The following TTC7A variants were observed in gnomAD, a reference collection of about 807,000 sequenced individuals.
The protein encoded by TTC7A is tetratricopeptide repeat protein 7A.
In TTC7A, 110 loss-of-function variants were observed where a neutral mutation model predicts 103.7. The ratio of observed to expected loss-of-function variants is 1.06; its 90% CI spans 0.91 to 1.24. The LOEUF (loss-of-function observed/expected upper bound fraction) is 1.24, where lower values mean the gene tolerates loss of function less well. Among genes scored for constraint, TTC7A ranks in the 50% most tolerant of loss-of-function variants. The pLI is 0.00. For synonymous variants in TTC7A, 521 were observed against 467.9 expected (o/e 1.11, Z -1.47); for missense variants, 1,340 against 1,116.3 (o/e 1.20, Z -2.86).
intron 5 of TTC7A, among the ~76,000 whole-genome samples, chr2:46,983,532 C>A (rs1361538062): frequency 6.6e-6 from 1 of 152,252 alleles, no homozygotes; most frequent in Non-Finnish European, 1.5e-5. Context: ...AGGCCGTCCT[C>A]AGCTGTGCCT....
intron 15 of TTC7A, chr2:47,040,521 T>C (rs1681620091): frequency 6.6e-6 from 1 of 152,304 alleles, no homozygotes; most frequent in Admixed American, 6.5e-5. Flanking sequence ...CCAGTTCCTA[T>C]AGCTTTATGC....
At chr2:46,916,034 C>G (rs765732662), upstream of TTC7A, 3 of 985,440 alleles carry the variant, frequency 3.0e-6, no homozygotes, top group Non-Finnish European at 3.6e-6. Flanking sequence ...GCTGGACGCC[C>G]TAGGGGCCCG....
At chr2:46,955,907 A>G (rs1252965564) in intron 2 of TTC7A, among the ~76,000 whole-genome samples, 4 of 152,214 alleles carry the variant, frequency 2.6e-5, no homozygotes, top group African/African-American at 4.8e-5. Context: ...GGCCTGGCCC[A>G]TAGGCATTGT....
intron 18 of TTC7A, among the ~76,000 whole-genome samples, chr2:47,053,128 C>T (rs1683009196): frequency 6.6e-6 from 1 of 152,128 alleles, no homozygotes; most frequent in Non-Finnish European, 1.5e-5. Flanking sequence ...TTTAACAATG[C>T]AGAAACTGTC....
intron 8 of TTC7A, 52 bp downstream of exon 8, chr2:46,995,251 AAGGGCTGTGGGGCCC>A (rs751985903): frequency 6.3e-7 from 1 of 1,597,290 alleles, no homozygotes; most frequent in Admixed American, 1.7e-5. Flanking sequence ...CCCTGTGGGG[AAGGGCTGTGGGGCCC>A]AGGTACAGGC....
At chr2:47,011,522 G>C in intron 11 of TTC7A, 87 bp downstream of exon 11, 1 of 1,053,110 alleles carries the variant, frequency 9.5e-7, no homozygotes, top group Non-Finnish European at 1.4e-6. Flanking sequence ...GTGTATGTGT[G>C]GGTGCATGCC....
intron 18 of TTC7A, among the ~76,000 whole-genome samples, chr2:47,053,039 C>T (rs1683002279): frequency 6.6e-6 from 1 of 152,130 alleles, no homozygotes; most frequent in Admixed American, 6.6e-5. Flanking sequence ...TGCAGTACGC[C>T]CCCACTCTCC....
chr2:47,054,023 G>A, intron 18 of TTC7A: 1 of 820,350 alleles, frequency 1.2e-6, no homozygotes, highest in Non-Finnish European at 1.5e-6. Context: ...ACTTGGGAAT[G>A]TCAAGAGAAA....
intron 11 of TTC7A, among the ~76,000 whole-genome samples, chr2:47,015,060 A>G (rs140851968): frequency 7.2e-4 from 109 of 152,314 alleles, no homozygotes; most frequent in African/African-American, 1.7e-3. Flanking sequence ...TGGGTTTGGA[A>G]TGGGAGAGCA....
At position 47,000,490 on chromosome 2, in the gene TTC7A, C is replaced by T. The variant is rs11886538; in HGVS notation, c.1065+5291C>T. Among the ~76,000 whole-genome samples the T allele has an allele frequency of 3.5e-4, 54 of 152,226 alleles. 1 individual carries two copies. The highest frequency in any genetic ancestry group is 7.2e-4 in the Non-Finnish European group (49 of 68,040). On this transcript the variant is annotated intron_variant, in intron 8 of 19. Coordinates refer to ENST00000319190, the MANE Select transcript of TTC7A (RefSeq NM_020458.4). ...AGAGCTGTTTTTTCTGCTGCAGGAA[C>T]CTGACGCAGCAGGAGCTCGGAGGCT...
chr2:46,967,753 T>G (rs1672985074), intron 3 of TTC7A, among the ~76,000 whole-genome samples: 1 of 152,174 alleles, frequency 6.6e-6, no homozygotes, highest in African/African-American at 2.4e-5. Context: ...AGACCCTGCT[T>G]TCTATTCTTT....
At chr2:46,977,016 G>T (rs1317239941) in intron 4 of TTC7A, among the ~76,000 whole-genome samples, 1 of 152,168 alleles carries the variant, frequency 6.6e-6, no homozygotes, top group African/African-American at 2.4e-5. Flanking sequence ...TGTTTTAGGA[G>T]CTTTTCATAT....
At chr2:46,956,022 G>A (rs528754137) in intron 2 of TTC7A, among the ~76,000 whole-genome samples, 2 of 152,330 alleles carry the variant, frequency 1.3e-5, no homozygotes, top group South Asian at 4.1e-4. Flanking sequence ...CAGAACTCAC[G>A]TGCCAGGGTG....
Position 46,966,404 on chromosome 2 carries a change from A to G in TTC7A, c.518-8569A>G, listed in dbSNP as rs541486585. On this transcript the variant is annotated intron_variant, in intron 3 of 19. Transcript: ENST00000319190. ...TATATCTTTCCAGTCTTTTTTCCCT[A>G]TAGGATTATATATGCTTTTAAAATG... Among the ~76,000 whole-genome samples the G allele has an allele frequency of 3.3e-5, 5 of 152,274 alleles. No homozygotes were observed. In the South Asian group the frequency reaches 1.0e-3, roughly 32 times the overall value.
chr2:46,977,779 C>A (rs1436367577), intron 4 of TTC7A, among the ~76,000 whole-genome samples: 2 of 152,166 alleles, frequency 1.3e-5, no homozygotes, highest in African/African-American at 4.8e-5. Flanking sequence ...CACTCTTTTG[C>A]CCAGGCTGGT....
chr2:47,056,864 C>T lies in TTC7A; in HGVS notation c.2153-3905C>T, dbSNP rs565782008. Among the ~76,000 whole-genome samples the T allele has an allele frequency of 7.2e-5, 11 of 152,140 alleles. No homozygotes were observed. In the South Asian group the frequency reaches 1.9e-3, roughly 26 times the overall value. On this transcript the variant is annotated intron_variant, in intron 18 of 19. Transcript: ENST00000319190. ...ATGAAGGAATGGAGGGGCCCCTTGACGCTGAGGGTGCAGCAGGGGCACCGT... is the reference window on the plus strand; with the variant it reads ...ATGAAGGAATGGAGGGGCCCCTTGATGCTGAGGGTGCAGCAGGGGCACCGT...
chr2:47,001,239 G>T (rs1676770762), intron 8 of TTC7A, among the ~76,000 whole-genome samples: 1 of 152,164 alleles, frequency 6.6e-6, no homozygotes, highest in Non-Finnish European at 1.5e-5. Context: ...ACAGGGCTGG[G>T]CAGAGGGAGA....
At chr2:46,916,328 G>T in exon 1 of TTC7A, 1 of 282,556 alleles carries the variant, frequency 3.5e-6, no homozygotes, top group Non-Finnish European at 5.3e-6. Context: ...CAGCTCCACT[G>T]CACAAGCTGC....
chr2:46,921,229 A>G (rs1669086846), intron 2 of TTC7A, among the ~76,000 whole-genome samples: 1 of 152,220 alleles, frequency 6.6e-6, no homozygotes, highest in Non-Finnish European at 1.5e-5. Context: ...AAGTAAAAGT[A>G]TCTTTATTCA....
Sources: gnomAD v4.1 joint callset for allele counts (sites outside exome capture counted in the v4.1 genomes callset) on GRCh38, gnomAD v4.1.1 for gene constraint, MANE v1.5 for transcripts, NCBI Gene and HGNC (gene_info 2026-07-23, HGNC 2026-07-21) for gene names.